The following AFF3 variants were observed in gnomAD, a reference collection of about 807,000 sequenced individuals.
AFF3 encodes the protein ALF transcription elongation factor 3, also known as AF4/FMR2 family member 3.
AFF3 carries 32 observed loss-of-function variants against 129.7 expected under a neutral mutation model. The observed-to-expected ratio is 0.25, with a 90% CI of 0.19 to 0.33. The LOEUF (loss-of-function observed/expected upper bound fraction) is 0.33. AFF3 is among the 10% of genes least tolerant of loss of function. AFF3 has a pLI of 1.00. For missense variants in AFF3, 1,373 were observed against 1,592.0 expected (o/e 0.86, Z 2.34); for synonymous variants, 644 against 635.4 (o/e 1.01, Z -0.20).
intron 11 of AFF3, among the ~76,000 whole-genome samples, chr2:99,725,308 G>A (rs1382474005): frequency 3.3e-5 from 5 of 151,706 alleles, no homozygotes; most frequent in Admixed American, 6.6e-5. Context: ...TAAGAAATAA[G>A]GTACAGAGTA....
chr2:99,713,513 C>T (rs572601273), intron 11 of AFF3, among the ~76,000 whole-genome samples: 1 of 151,632 alleles, frequency 6.6e-6, no homozygotes, highest in African/African-American at 2.4e-5. Context: ...ATGATCCGCC[C>T]GCCTCAGCCT....
rs993376433 is a variant in AFF3 at position 99,996,183 on chromosome 2, T to C, written c.873+10449A>G. Among the ~76,000 whole-genome samples, 4 of 152,166 alleles carry C rather than the reference T, an allele frequency of 2.6e-5. No individual in the cohort carries two copies. The East Asian group carries it at 5.8e-4, about 22-fold the overall frequency. ...ATGCTGAACCACTAAAGACCAAGTA[T>C]TGAATGTTACCAAAAACTGTATAAC... On this transcript the variant is annotated intron_variant, in intron 7 of 24. Transcript: ENST00000672756.
At chr2:99,664,340 C>A (rs918999055) in intron 12 of AFF3, among the ~76,000 whole-genome samples, 1 of 152,182 alleles carries the variant, frequency 6.6e-6, no homozygotes, top group Non-Finnish European at 1.5e-5. Flanking sequence ...TGGTCACAAC[C>A]CCAGCACTAG....
intron 2 of AFF3, among the ~76,000 whole-genome samples, chr2:100,128,644 A>G (rs1692299126): frequency 6.6e-6 from 1 of 152,202 alleles, no homozygotes; most frequent in African/African-American, 2.4e-5. Context: ...TCAACCCCAT[A>G]GCCTTAGATC....
At chr2:99,917,867 G>A (rs1695578956) in intron 7 of AFF3, among the ~76,000 whole-genome samples, 1 of 152,108 alleles carries the variant, frequency 6.6e-6, no homozygotes, top group South Asian at 2.1e-4. Context: ...TCTGCCCTGC[G>A]AACAGTGCGC....
At position 99,852,459 on chromosome 2, in the gene AFF3, G is replaced by C. The variant is rs922365186; in HGVS notation, c.874-14935C>G. On this transcript the variant is annotated intron_variant, in intron 7 of 24. Transcript: ENST00000672756. ...AAAAGAAAAGTCAAAAGACTAGATA[G>C]AGAAATGATGTCCAGGGAGCTCATA... Among the ~76,000 whole-genome samples the C allele has an allele frequency of 2.6e-5, 4 of 152,182 alleles. 1 individual carries two copies. In the South Asian group the frequency reaches 8.3e-4, roughly 32 times the overall value.
intron 8 of AFF3, among the ~76,000 whole-genome samples, chr2:99,762,380 C>CAGGTGTAA (rs921888612): frequency 3.2e-4 from 48 of 152,278 alleles, no homozygotes; most frequent in Admixed American, 1.3e-3. Context: ...CTGCCTTGGC[C>CAGGTGTAA]TCCCAAAGTG....
chr2:99,869,390 C>T (rs941941228), intron 7 of AFF3, among the ~76,000 whole-genome samples: 2 of 151,152 alleles, frequency 1.3e-5, no homozygotes, highest in Non-Finnish European at 2.9e-5. Context: ...ATTTACTCAG[C>T]ACCTTCTATG....
At chr2:100,058,929 A>G (rs1687016864) in intron 4 of AFF3, among the ~76,000 whole-genome samples, 1 of 152,210 alleles carries the variant, frequency 6.6e-6, no homozygotes, top group Non-Finnish European at 1.5e-5. Context: ...TTACAACTCA[A>G]TAATAAAAAG....
At chr2:99,557,424 T>G (rs529705380) in intron 22 of AFF3, among the ~76,000 whole-genome samples, 1 of 152,208 alleles carries the variant, frequency 6.6e-6, no homozygotes, top group East Asian at 1.9e-4. Context: ...GGATTACAGA[T>G]GCCTGCCACC....
intron 5 of AFF3, among the ~76,000 whole-genome samples, chr2:100,008,116 T>C (rs184908857): frequency 1.4e-4 from 22 of 152,348 alleles, no homozygotes; most frequent in Admixed American, 2.6e-4. Flanking sequence ...TGGATTGTCC[T>C]GTAATTGTAG....
intron 11 of AFF3, among the ~76,000 whole-genome samples, chr2:99,695,926 T>TA (rs1355780553): frequency 9.5e-5 from 10 of 105,244 alleles, no homozygotes; most frequent in African/African-American, 4.0e-4. Flanking sequence ...AAAGATTACT[T>TA]ACTGGAAAAA....
intron 12 of AFF3, among the ~76,000 whole-genome samples, chr2:99,663,150 TTG>T (rs1471666653): frequency 4.6e-5 from 7 of 152,356 alleles, no homozygotes; most frequent in African/African-American, 1.7e-4. Flanking sequence ...AAGCTCTGCT[TTG>T]TGTTATGCAA....
At chr2:99,968,868 A>G (rs1422950677) in intron 7 of AFF3, among the ~76,000 whole-genome samples, 1 of 152,182 alleles carries the variant, frequency 6.6e-6, no homozygotes, top group African/African-American at 2.4e-5. Context: ...CTTCTTAAGC[A>G]ACTGAAGAGA....
rs1476205210 is a variant in AFF3, at chr2:99,860,397, CAAAA to C, written c.874-22877_874-22874del. 2.6e-5 allele frequency among the ~76,000 whole-genome samples: 4 copies of C among 151,964 alleles called. No individual in the cohort carries two copies. The East Asian group carries it at 7.7e-4, about 29-fold the overall frequency. ...TGAAACCCCGTCTCTACTAAAAATA[CAAAA>C]AAACTAGCCAGGGGTGGTGGCGGGT... On this transcript the variant is annotated intron_variant, in intron 7 of 24. Coordinates refer to ENST00000672756, the MANE Select transcript of AFF3 (RefSeq NM_001386135.1).
At chr2:100,004,021 A>C (rs13420046) in intron 7 of AFF3, among the ~76,000 whole-genome samples, 2,372 of 151,674 alleles carry the variant, frequency 0.016, 54 homozygotes, top group African/African-American at 0.054. Flanking sequence ...GCACCTAGTT[A>C]TTAATCTGAT....
chr2:99,860,559 A>ACAAAAAG (rs1690907175), intron 7 of AFF3, among the ~76,000 whole-genome samples: 1 of 150,494 alleles, frequency 6.6e-6, no homozygotes, highest in Non-Finnish European at 1.5e-5. Flanking sequence ...GTCTCAAAAA[A>ACAAAAAG]CAAAAAACAA....
intron 8 of AFF3, among the ~76,000 whole-genome samples, chr2:99,789,428 AGAGT>A (rs553337551): frequency 1.9e-3 from 245 of 132,286 alleles, no homozygotes; most frequent in African/African-American, 6.7e-3. Context: ...ACTAGGTAAC[AGAGT>A]GAGGCCCTGT....
intron 13 of AFF3, among the ~76,000 whole-genome samples, chr2:99,636,561 C>T (rs1683676494): frequency 6.6e-6 from 1 of 152,172 alleles, no homozygotes; most frequent in African/African-American, 2.4e-5. Flanking sequence ...CCCAAGGCCA[C>T]GGACAATTAC....
Sources: allele counts gnomAD v4.1 joint callset (sites outside exome capture counted in the v4.1 genomes callset), GRCh38; gene constraint gnomAD v4.1.1; transcripts MANE v1.5; gene names NCBI Gene and HGNC (gene_info 2026-07-23, HGNC 2026-07-21).